Variants in SUPT3H observed in about 807,000 individuals in gnomAD.
SUPT3H encodes SPT3 homolog, SAGA and STAGA complex component.
In SUPT3H, 44 loss-of-function variants were observed where a neutral mutation model predicts 44.3. The observed-to-expected ratio is 0.99, with a 90% CI of 0.78 to 1.28. SUPT3H has a LOEUF of 1.28. Ranked by LOEUF, SUPT3H falls within the 50% of genes most tolerant of loss-of-function variation. The pLI is 0.00. For synonymous variants in SUPT3H, 124 were observed against 125.6 expected (o/e 0.99, Z 0.09); for missense variants, 380 against 387.1 (o/e 0.98, Z 0.15).
intron 2 of SUPT3H, among the ~76,000 whole-genome samples, chr6:45,243,086 C>T (rs1386728648): frequency 8.8e-5 from 13 of 146,904 alleles, no homozygotes; most frequent in East Asian, 2.1e-4. Flanking sequence ...CCCAGCTAGT[C>T]GGGAGGCTGC....
chr6:45,000,070 A>C (rs1413972671), intron 6 of SUPT3H, among the ~76,000 whole-genome samples: 1 of 150,338 alleles, frequency 6.7e-6, no homozygotes, highest in African/African-American at 2.5e-5. Flanking sequence ...GTATATACAC[A>C]TATAAATGTA....
chr6:45,012,828 A>T (rs1783692749), intron 5 of SUPT3H, among the ~76,000 whole-genome samples: 1 of 152,064 alleles, frequency 6.6e-6, no homozygotes, highest in Non-Finnish European at 1.5e-5. Flanking sequence ...GTCATTGTTT[A>T]TTTCATGACT....
chr6:45,344,530 G>C (rs1348250615), intron 2 of SUPT3H, among the ~76,000 whole-genome samples: 1 of 151,574 alleles, frequency 6.6e-6, no homozygotes, highest in African/African-American at 2.4e-5. Context: ...TGAACGTCTA[G>C]AACAGTAACA....
intron 6 of SUPT3H, among the ~76,000 whole-genome samples, chr6:44,979,823 G>A (rs951137547): frequency 5.3e-5 from 8 of 152,122 alleles, no homozygotes; most frequent in South Asian, 2.1e-4. Flanking sequence ...AAAACAGAAC[G>A]CAATTACTGT....
chr6:44,902,822 C>A (rs1034895243), intron 10 of SUPT3H, among the ~76,000 whole-genome samples: 1 of 152,168 alleles, frequency 6.6e-6, no homozygotes, highest in African/African-American at 2.4e-5. Flanking sequence ...GAAATTATAA[C>A]AAACTGTCTC....
chr6:45,061,103 C>T (rs1443399792), intron 3 of SUPT3H, among the ~76,000 whole-genome samples: 1 of 152,106 alleles, frequency 6.6e-6, no homozygotes, highest in African/African-American at 2.4e-5. Context: ...TGGGTATATA[C>T]TCAAAGGAAT....
chr6:44,859,208 G>C (rs1774219238), intron 10 of SUPT3H, among the ~76,000 whole-genome samples: 1 of 152,168 alleles, frequency 6.6e-6, no homozygotes. Context: ...GTGATACTGT[G>C]TCTCTTAGTG....
At chr6:45,043,726 C>A (rs1788950957) in intron 3 of SUPT3H, among the ~76,000 whole-genome samples, 2 of 152,108 alleles carry the variant, frequency 1.3e-5, no homozygotes, top group Admixed American at 1.3e-4. Context: ...AAGAAATTCA[C>A]AAATAAATAT....
chr6:44,882,785 C>T (rs1778460106), intron 10 of SUPT3H, among the ~76,000 whole-genome samples: 1 of 152,158 alleles, frequency 6.6e-6, no homozygotes, highest in African/African-American at 2.4e-5. Flanking sequence ...TGACAAAAAC[C>T]AAATGATCAT....
chr6:45,062,866 C>T (rs1200870793), intron 3 of SUPT3H, among the ~76,000 whole-genome samples: 20 of 152,112 alleles, frequency 1.3e-4, no homozygotes, highest in South Asian at 2.1e-4. Context: ...AACTGCAAGG[C>T]GGCAGCGAGG....
chr6:45,103,864 G>T (rs1798920286), intron 3 of SUPT3H, among the ~76,000 whole-genome samples: 1 of 151,986 alleles, frequency 6.6e-6, no homozygotes, highest in Admixed American at 6.6e-5. Context: ...TTACATACAG[G>T]GGAACAAATG....
At position 45,328,579 on chromosome 6, in the gene SUPT3H, A is replaced by G. The variant is rs1786814419; in HGVS notation, c.101+36622T>C. 7 of 1,581,622 alleles carry G rather than the reference A, an allele frequency of 4.4e-6. No individual in the cohort carries two copies. In the Admixed American group the frequency reaches 1.1e-4, roughly 25 times the overall value. On this transcript the variant is annotated intron_variant, in intron 2 of 10. Transcript: ENST00000371459. ...GTTACCAGCTACATAATTTCTTGAC[A>G]GAAAAAAATAAATATAAAGTCTATG...
intron 9 of SUPT3H, among the ~76,000 whole-genome samples, chr6:44,937,493 C>CAAAAAAAAAAAAAAA (rs752102544): frequency 7.1e-6 from 1 of 141,428 alleles, no homozygotes; most frequent in African/African-American, 2.6e-5. Context: ...GACACTGTCT[C>CAAAAAAAAAAAAAAA]AAAAAAAAAA....
chr6:44,944,115 G>A (rs1289892355), intron 9 of SUPT3H, among the ~76,000 whole-genome samples: 1 of 151,900 alleles, frequency 6.6e-6, no homozygotes, highest in East Asian at 1.9e-4. Flanking sequence ...TATAGATGTA[G>A]TATGCATGAC....
chr6:45,310,218 G>A (rs1339409317), intron 2 of SUPT3H, among the ~76,000 whole-genome samples: 1 of 152,066 alleles, frequency 6.6e-6, no homozygotes, highest in Non-Finnish European at 1.5e-5. Flanking sequence ...ATCCTCCTAG[G>A]TATACAATTC....
At chr6:45,368,567 T>C (rs920390902) in intron 1 of SUPT3H, among the ~76,000 whole-genome samples, 2 of 152,118 alleles carry the variant, frequency 1.3e-5, no homozygotes, top group Non-Finnish European at 1.5e-5. Context: ...AGAAATACCA[T>C]GAAACATCTT....
chr6:45,061,832 G>A (rs1477209552), intron 3 of SUPT3H, among the ~76,000 whole-genome samples: 1 of 147,488 alleles, frequency 6.8e-6, no homozygotes, highest in African/African-American at 2.5e-5. Context: ...GTTCTGAGCT[G>A]TAAATTCAGA....
At chr6:44,836,385 G>A (rs1404728114) in intron 10 of SUPT3H, among the ~76,000 whole-genome samples, 2 of 152,106 alleles carry the variant, frequency 1.3e-5, no homozygotes, top group Non-Finnish European at 2.9e-5. Context: ...CAGAAGCAGA[G>A]CCCTGATTTA....
intron 3 of SUPT3H, among the ~76,000 whole-genome samples, chr6:45,076,069 C>T (rs953197697): frequency 6.6e-6 from 1 of 151,916 alleles, no homozygotes; most frequent in Non-Finnish European, 1.5e-5. Context: ...TTTGACCTAC[C>T]TACTGCTTTT....
Sources: allele counts gnomAD v4.1 joint callset (sites outside exome capture counted in the v4.1 genomes callset), GRCh38; gene constraint gnomAD v4.1.1; transcripts MANE v1.5; gene names NCBI Gene and HGNC (gene_info 2026-07-23, HGNC 2026-07-21).